The following TSPEAR variants were observed in gnomAD, a reference collection of about 807,000 sequenced individuals.
TSPEAR encodes the protein thrombospondin-type laminin G domain and EAR repeat-containing protein.
A neutral mutation model predicts 71.6 loss-of-function variants in TSPEAR; 69 were observed. The ratio of observed to expected loss-of-function variants is 0.96; its 90% confidence interval spans 0.79 to 1.18. TSPEAR has a LOEUF of 1.18. Among genes scored for constraint, TSPEAR ranks in the 50% most tolerant of loss-of-function variants. TSPEAR has a pLI of 0.00. For missense variants in TSPEAR, 971 were observed against 894.9 expected (o/e 1.09, Z -1.09); for synonymous variants, 402 against 387.2 (o/e 1.04, Z -0.45).
chr21:44,610,313 G>A (rs1569217737), intron 1 of TSPEAR, among the ~76,000 whole-genome samples: 1 of 152,186 alleles, frequency 6.6e-6, no homozygotes, highest in African/African-American at 2.4e-5. Context: ...AGGCCTGGGA[G>A]GAAAAAGTGG....
chr21:44,702,231 T>G, intron 1 of TSPEAR: 1 of 1,599,882 alleles, frequency 6.3e-7, no homozygotes, highest in Non-Finnish European at 8.5e-7. Flanking sequence ...GAGCCAGTGC[T>G]TCCACCAACT....
chr21:44,503,644 G>C (rs587641330), intron 11 of TSPEAR, among the ~76,000 whole-genome samples: 5 of 139,600 alleles, frequency 3.6e-5, no homozygotes, highest in South Asian at 4.6e-4. Flanking sequence ...TGAGCCCTTG[G>C]GGGGAAGCCG....
chr21:44,568,324 G>A (rs1222419027), intron 1 of TSPEAR, among the ~76,000 whole-genome samples: 1 of 152,120 alleles, frequency 6.6e-6, no homozygotes, highest in Non-Finnish European at 1.5e-5. Flanking sequence ...TGAGCTGTGC[G>A]GGACGAAGGA....
chr21:44,591,772 C>A (rs587715645), intron 1 of TSPEAR: 8 of 1,583,596 alleles, frequency 5.1e-6, no homozygotes, highest in South Asian at 1.1e-5. Flanking sequence ...GGGCACACAG[C>A]ACACAGGCAC....
Position 44,567,906 on chromosome 21 carries a change from A to T in TSPEAR, c.182T>A (p.Leu61His), listed in dbSNP as rs782573895. 2.5e-6 allele frequency: 4 copies of T among 1,607,706 alleles called. No individual in the cohort carries two copies. The African/African-American group carries it at 5.3e-5, about 21-fold the overall frequency. The stretch of plus-strand genomic sequence containing the variant: ...CATGGTGCGGGGGGCGGCTACTGAG[A>T]GCTGGAGTCCCCGTGCACCGTGAAC... ...VQVHGARGLQ[L>H]SVAAPRTMSF... Residue 61 changes from leucine (L) to histidine (H), a missense_variant, in exon 2 of 12, where the codon CTC becomes CAC. Coordinates refer to ENST00000323084, the MANE Select transcript of TSPEAR (RefSeq NM_144991.3).
At chr21:44,678,727 C>G (rs1986441483) in intron 1 of TSPEAR, among the ~76,000 whole-genome samples, 2 of 152,126 alleles carry the variant, frequency 1.3e-5, no homozygotes, top group South Asian at 4.1e-4. Context: ...TTAGAAAAAT[C>G]TAAAGACTCC....
In TSPEAR at chr21:44,612,262, C is replaced by T. The variant is rs782662369; in HGVS notation, c.83-44257G>A. 1.1e-5 allele frequency: 17 copies of T among 1,613,516 alleles called. 1 individual carries two copies. The highest frequency in any genetic ancestry group is 1.7e-5 in the Admixed American group (1 of 60,002). On this transcript the variant is annotated intron_variant, in intron 1 of 11. Coordinates refer to ENST00000323084, the MANE Select transcript of TSPEAR (RefSeq NM_144991.3). The surrounding 1 kb of genome is among the most constrained non-coding windows in gnomAD (Gnocchi z 4.1). ...GCCAGGAAAGCTGCTGCGAGCCCCG[C>T]TCCTGTGCCTCCAGCTGCTGTACCC...
rs782395382 is a variant in TSPEAR at position 44,601,576 on chromosome 21, C to T, written c.83-33571G>A. ...CCTCCTCTGCCGCCCCGTGTGCAGG[C>T]CCGCCTGCTGCGTGCCCGTCCCCTC... On this transcript the variant is annotated intron_variant, in intron 1 of 11. Coordinates refer to ENST00000323084, the MANE Select transcript of TSPEAR (RefSeq NM_144991.3). 6.2e-7 allele frequency: 1 copy of T among 1,613,652 alleles called. No homozygotes were observed. The highest frequency in any genetic ancestry group is 1.1e-5 in the South Asian group (1 of 91,010).
At chr21:44,555,248 C>T (rs191089888) in intron 2 of TSPEAR, among the ~76,000 whole-genome samples, 121 of 152,290 alleles carry the variant, frequency 7.9e-4, no homozygotes, top group African/African-American at 2.7e-3. Flanking sequence ...TTTCTCAAAA[C>T]GGTTTATAAA....
At chr21:44,600,875 G>A in intron 1 of TSPEAR, 1 of 1,611,140 alleles carries the variant, frequency 6.2e-7, no homozygotes, top group Non-Finnish European at 8.5e-7. Flanking sequence ...ACCAGCTCCT[G>A]CACGCCCTCG....
At chr21:44,633,163 A>G (rs1983352332) in intron 1 of TSPEAR, among the ~76,000 whole-genome samples, 1 of 152,126 alleles carries the variant, frequency 6.6e-6, no homozygotes, top group Admixed American at 6.5e-5. Context: ...GTTGCTTTCA[A>G]AAAACTAATT....
At chr21:44,616,611 G>A (rs1310173376) in intron 1 of TSPEAR, among the ~76,000 whole-genome samples, 1 of 152,160 alleles carries the variant, frequency 6.6e-6, no homozygotes, top group Admixed American at 6.5e-5. Flanking sequence ...TCAGATCAGT[G>A]GGGCAAGCCT....
At chr21:44,523,575 C>T (rs1410349523) in intron 8 of TSPEAR, among the ~76,000 whole-genome samples, 1 of 149,666 alleles carries the variant, frequency 6.7e-6, no homozygotes, top group Non-Finnish European at 1.5e-5. Flanking sequence ...TCAGTTAGGT[C>T]GTCAGTCAGT....
rs587757356 is a variant in TSPEAR, at chr21:44,640,370, G to A, written c.82+71063C>T. On this transcript the variant is annotated intron_variant, in intron 1 of 11. Coordinates refer to ENST00000323084, the MANE Select transcript of TSPEAR (RefSeq NM_144991.3). The stretch of plus-strand genomic sequence containing the variant: ...CCGCAGAGAAAGGAAGTAGATGAGT[G>A]TGTGACCAAGGCTGGTGGAGGGGCT... 3.9e-4 allele frequency among the ~76,000 whole-genome samples: 60 copies of A among 152,376 alleles called. 1 individual carries two copies. Among genetic ancestry groups the A allele is most frequent in the African/African-American group, 1.3e-3 (56 of 41,594 alleles).
intron 1 of TSPEAR, chr21:44,677,563 C>T: frequency 1.1e-6 from 1 of 932,492 alleles, no homozygotes; most frequent in Non-Finnish European, 1.7e-6. Flanking sequence ...GAGGATGCTT[C>T]TTCTGAAAGT....
chr21:44,516,395 T>A (rs895052107), intron 9 of TSPEAR: 1 of 152,392 alleles, frequency 6.6e-6, no homozygotes, highest in East Asian at 1.9e-4. Flanking sequence ...TCCTCCTCAG[T>A]GGGTGCTGCT....
In TSPEAR at chr21:44,528,946, C is replaced by A. The variant is rs185884830; in HGVS notation, c.791-363G>T. Among the ~76,000 whole-genome samples, 25 of 152,356 alleles carry A rather than the reference C, an allele frequency of 1.6e-4. No homozygotes were observed. The East Asian group carries it at 4.6e-3, about 28-fold the overall frequency. On this transcript the variant is annotated intron_variant, in intron 5 of 11. Transcript: ENST00000323084. ...GGAGTCCCTGTTGACAGTGGTGTAT[C>A]TTAACGACGGCTTGGCTTGAACCTG...
chr21:44,657,393 G>A (rs116098361), intron 1 of TSPEAR, among the ~76,000 whole-genome samples: 256 of 152,292 alleles, frequency 1.7e-3, no homozygotes, highest in African/African-American at 5.4e-3. Context: ...TTTAGCCTTT[G>A]CATGTTACAG....
intron 1 of TSPEAR, among the ~76,000 whole-genome samples, chr21:44,652,382 G>A (rs77916552): frequency 0.014 from 2,069 of 152,252 alleles, 57 homozygotes; most frequent in African/African-American, 0.048. Context: ...ACACTGCGGG[G>A]ACCCAGCACC....
Sources: gnomAD v4.1 joint callset for allele counts (sites outside exome capture counted in the v4.1 genomes callset) on GRCh38, gnomAD v4.1.1 for gene constraint, Gnocchi (gnomAD v3.1) non-coding constraint, MANE v1.5 for transcripts, NCBI Gene and HGNC (gene_info 2026-07-23, HGNC 2026-07-21) for gene names.